Variants in DHX33 observed in about 807,000 individuals in gnomAD.
DHX33 encodes ATP-dependent RNA helicase DHX33.
Under a neutral mutation model 72.5 loss-of-function variants are expected in DHX33, and 42 were observed. That is an observed-to-expected ratio of 0.58 (90% CI 0.45 to 0.75). The LOEUF is 0.75. Among genes scored for constraint, DHX33 ranks in the 30% least tolerant of loss-of-function variants. The pLI, the probability that DHX33 is intolerant of heterozygous loss-of-function variation, is 0.00. For missense variants in DHX33, 842 were observed against 917.5 expected, an observed-to-expected ratio of 0.92 and a Z score of 1.06; for synonymous variants, 358 against 366.1, an observed-to-expected ratio of 0.98 and a Z score of 0.25.
intron 8 of DHX33, among the ~76,000 whole-genome samples, chr17:5,451,542 T>C (rs1407692657): frequency 6.6e-6 from 1 of 152,166 alleles, no homozygotes; most frequent in East Asian, 1.9e-4. Flanking sequence ...ACAGAGACCA[T>C]ATCGCCAGAA....
chr17:5,455,265 G>A lies in DHX33; in HGVS notation c.1042C>T (p.Arg348Cys), dbSNP rs753632223. ...ATGTTGGTTGAAATGATCACTTTGC[G>A]ATAGCCCTAAAAGGAGGAAGAAAAC... ...RVFQGAPKGY[R>C]KVIISTNIAE... The change falls in exon 6 of 12, where the codon CGC becomes TGC. Residue 348 changes from arginine (R) to cysteine (C), a missense_variant. Coordinates refer to ENST00000225296, the MANE Select transcript of DHX33 (RefSeq NM_020162.4). 11 of 1,613,912 alleles carry A rather than the reference G, an allele frequency of 6.8e-6. No homozygotes were observed. The highest frequency in any genetic ancestry group is 3.3e-5 in the South Asian group (3 of 91,082).
At chr17:5,450,537 T>A in intron 9 of DHX33, 131 bp from the exon 10 acceptor site, 1 of 1,004,788 alleles carries the variant, frequency 1.0e-6, no homozygotes, top group South Asian at 1.6e-5. Flanking sequence ...ACCATGGCGA[T>A]GTACATTAGT....
intron 6 of DHX33, among the ~76,000 whole-genome samples, chr17:5,454,462 T>C (rs1038314659): frequency 2.6e-5 from 4 of 152,190 alleles, no homozygotes; most frequent in East Asian, 1.9e-4. Flanking sequence ...ACAGAAATAA[T>C]GTGATGTCTG....
intron 10 of DHX33, among the ~76,000 whole-genome samples, chr17:5,449,880 G>C (rs549684451): frequency 6.6e-6 from 1 of 152,250 alleles, no homozygotes; most frequent in African/African-American, 2.4e-5. Context: ...CTTAGCATGG[G>C]GCTTGGCACA....
At chr17:5,455,939 C>T (rs2092062263) in intron 5 of DHX33, 58 bp downstream of exon 5, 2 of 1,547,982 alleles carry the variant, frequency 1.3e-6, no homozygotes, top group Non-Finnish European at 1.8e-6. Flanking sequence ...ACAGACCTCG[C>T]TGGTGGATCC....
chr17:5,444,401 G>A lies in DHX33; in HGVS notation c.1928C>T (p.Thr643Ile), dbSNP rs955293659. Residue 643 changes from threonine to isoleucine, a missense_variant, in exon 12 of 12, where the codon ACC becomes ATC. By Grantham distance (89) the Thr-to-Ile change is moderately conservative. Coordinates refer to ENST00000225296, the MANE Select transcript of DHX33 (RefSeq NM_020162.4). This position sits in a 1 kb window ranked among gnomAD's most constrained non-coding sequence, Gnocchi z 4.9. ...GGCCACTGGCTGGTGGGTGTCCGTG[G>A]TGGCATAGGTGCCATCTGGCTGAAG... ...AELQPDGTYA[T>I]TDTHQPVAIH... The A allele has an allele frequency of 6.2e-7, 1 of 1,614,104 alleles. No homozygotes were observed. Among genetic ancestry groups the A allele is most frequent in the African/African-American group, 1.3e-5 (1 of 74,942 alleles).
At chr17:5,452,084 TG>T (rs966878003) in intron 8 of DHX33, among the ~76,000 whole-genome samples, 4 of 92,412 alleles carry the variant, frequency 4.3e-5, no homozygotes, top group East Asian at 3.4e-4. Flanking sequence ...GGCAAGTGGG[TG>T]GGGGGGACTC....
At chr17:5,460,340 A>G (rs1477797525) in intron 4 of DHX33, among the ~76,000 whole-genome samples, 1 of 151,836 alleles carries the variant, frequency 6.6e-6, no homozygotes, top group South Asian at 2.1e-4. Flanking sequence ...GGCGGTTATA[A>G]TCAAGGAAAG....
At position 5,444,589 on chromosome 17, in the gene DHX33, C is replaced by T. The variant is rs1247885416; in HGVS notation, c.1816-76G>A. Reference sequence around the variant, plus strand: ...GTCAGCACTACACAGCGTGTTGGGGCAACTGGACCCACTGGGGCAAAAGCA... The same window carrying T: ...GTCAGCACTACACAGCGTGTTGGGGTAACTGGACCCACTGGGGCAAAAGCA... On this transcript the variant is annotated intron_variant, in intron 11 of 11. Coordinates refer to ENST00000225296, the MANE Select transcript of DHX33 (RefSeq NM_020162.4). This position sits in a 1 kb window ranked among gnomAD's most constrained non-coding sequence, Gnocchi z 4.9. 7 of 1,462,472 alleles carry T rather than the reference C, an allele frequency of 4.8e-6. No homozygotes were observed. The highest frequency in any genetic ancestry group is 6.5e-6 in the Non-Finnish European group (7 of 1,081,730). 90.6% of individuals were successfully genotyped at this position (1,462,472 alleles called of 1,614,324 possible).
chr17:5,456,471 A>T (rs1333115849), intron 4 of DHX33, among the ~76,000 whole-genome samples: 1 of 152,180 alleles, frequency 6.6e-6, no homozygotes, highest in Non-Finnish European at 1.5e-5. Flanking sequence ...ACGCAGCAAG[A>T]TCCCATCTCT....
Position 5,442,401 on chromosome 17 carries a change from T to A in DHX33, c.*1804A>T, listed in dbSNP as rs1034873068. On this transcript the variant is annotated 3_prime_UTR_variant, in exon 12 of 12. Transcript: ENST00000225296. The stretch of plus-strand genomic sequence containing the variant: ...GGAAAACTTTTCAGAAAGTCAGCAG[T>A]GGTAACAAGTCAGTAAGTGGAAGAA... 2.6e-5 allele frequency: 4 copies of A among 151,844 alleles called. No homozygotes were observed. Among genetic ancestry groups the A allele is most frequent in the Non-Finnish European group, 4.4e-5 (3 of 67,944 alleles). The allele number at this position is 151,844 out of a possible 1,614,324, so 9.4% of individuals were successfully genotyped here.
chr17:5,447,605 C>T (rs755632462), intron 11 of DHX33, among the ~76,000 whole-genome samples: 1 of 150,782 alleles, frequency 6.6e-6, no homozygotes, highest in Non-Finnish European at 1.5e-5. Context: ...GCCTGGGCAA[C>T]AAGAGCAAAA....
In DHX33 at chr17:5,463,704, G is replaced by GAAA; in HGVS notation, c.290-18_290-16dup. ...GCCAGTTTCCCCTAGGAGAGAGGGG[G>GAAA]AAAAAAAAAAAAGGCTCACTGAAAT... On this transcript the variant is annotated splice_polypyrimidine_tract_variant and intron_variant, in intron 1 of 11. Transcript: ENST00000225296. 7.4e-7 allele frequency: 1 copy of GAAA among 1,346,702 alleles called. No individual in the cohort carries two copies. Among genetic ancestry groups the GAAA allele is most frequent in the Non-Finnish European group, 1.0e-6 (1 of 991,298 alleles). The allele number at this position is 1,346,702 out of a possible 1,614,324, so 83.4% of individuals were successfully genotyped here. A position where few individuals can be genotyped will look rare whatever the true frequency, so the allele number is the denominator to read the frequency against.
At position 5,456,194 on chromosome 17, in the gene DHX33, GTAGAGTGGGTTTAC is replaced by G; in HGVS notation, c.850-26_850-13del. The G allele has an allele frequency of 6.2e-7, 1 of 1,613,154 alleles. No individual in the cohort carries two copies. Among genetic ancestry groups the G allele is most frequent in the Non-Finnish European group, 8.5e-7 (1 of 1,179,266 alleles). ...GAAGAAGGGGCTTCCTGTAAAAAAAGTAGAGTGGGTTTACTAGGCATTGATAGAATTGCAGCTTG... is the reference window on the plus strand; with the variant it reads ...GAAGAAGGGGCTTCCTGTAAAAAAAGTAGGCATTGATAGAATTGCAGCTTG... On this transcript the variant is annotated splice_polypyrimidine_tract_variant and intron_variant, in intron 4 of 11. Transcript: ENST00000225296.
rs756586856 is a variant in DHX33 at position 5,455,999 on chromosome 17, T to C, written c.1033A>G (p.Lys345Glu). The change falls in exon 5 of 12, where the codon AAG becomes GAG. Residue 345 changes from lysine (K) to glutamate (E), a missense_variant and splice_region_variant. Coordinates refer to ENST00000225296, the MANE Select transcript of DHX33 (RefSeq NM_020162.4). The part of the protein sequence containing the change: ...QQLRVFQGAP[K>E]GYRKVIISTN... Reference sequence around the variant, plus strand: ...GACAGAAGAGGTGGTGCACTCACCTTTGGGGCCCCTTGGAAGACTCGGAGC... The same window carrying C: ...GACAGAAGAGGTGGTGCACTCACCTCTGGGGCCCCTTGGAAGACTCGGAGC... 2 of 1,611,602 alleles carry C rather than the reference T, an allele frequency of 1.2e-6. No homozygotes were observed. Among genetic ancestry groups the C allele is most frequent in the South Asian group, 2.2e-5 (2 of 90,928 alleles).
chr17:5,448,598 T>C (rs1267494632), intron 11 of DHX33, among the ~76,000 whole-genome samples: 3 of 152,224 alleles, frequency 2.0e-5, no homozygotes, highest in East Asian at 3.8e-4. Flanking sequence ...TATAATTTAC[T>C]ATGTAAAAAA....
chr17:5,454,038 T>A (rs1489119036), intron 6 of DHX33, 58 bp from the exon 7 acceptor site: 1 of 1,577,946 alleles, frequency 6.3e-7, no homozygotes, highest in African/African-American at 1.3e-5. Flanking sequence ...CTTTCTACAG[T>A]GTCGATAAAA....
At position 5,460,945 on chromosome 17, in the gene DHX33, G is replaced by A; in HGVS notation, c.843C>T (p.Ile281=). 1 of 1,612,108 alleles carries A rather than the reference G, an allele frequency of 6.2e-7. No homozygotes were observed. Among genetic ancestry groups the A allele is most frequent in the South Asian group, 1.1e-5 (1 of 90,894 alleles). The change falls in exon 4 of 12, where the codon ATC becomes ATT. Residue 281 remains isoleucine, a synonymous_variant. Transcript: ENST00000225296. Reference sequence around the variant, plus strand: ...TTTGCCCCCAGCACCATACCTGGTGGATCTGGAAGACGGAGACAAGCGCGG... The same window carrying A: ...TTTGCCCCCAGCACCATACCTGGTGAATCTGGAAGACGGAGACAAGCGCGG... ...LHAALVSVFQ[I]HQEAPSSQDI... is the part of the protein sequence containing the mutation.
chr17:5,453,169 G>C (rs1917025197), intron 8 of DHX33, among the ~76,000 whole-genome samples: 1 of 152,228 alleles, frequency 6.6e-6, no homozygotes, highest in South Asian at 2.1e-4. Flanking sequence ...GGACTCGCAT[G>C]ATGACCTTCA....
Sources: gnomAD v4.1 joint callset for allele counts (sites outside exome capture counted in the v4.1 genomes callset) on GRCh38, gnomAD v4.1.1 for gene constraint, Gnocchi (gnomAD v3.1) non-coding constraint, MANE v1.5 for transcripts, NCBI Gene and HGNC (gene_info 2026-07-23, HGNC 2026-07-21) for gene names.